Variants in ELN observed in about 807,000 individuals in gnomAD.
ELN encodes the protein tropoelastin.
Under a neutral mutation model 105.8 loss-of-function variants are expected in ELN, and 65 were observed. The observed-to-expected ratio is 0.61, with a 90% CI of 0.50 to 0.75. The LOEUF is 0.75. Among genes scored for constraint, ELN ranks in the 30% least tolerant of loss-of-function variants. The pLI is 0.00. For synonymous variants in ELN, 368 were observed against 389.2 expected, an observed-to-expected ratio of 0.95 and a Z score of 0.64; for missense variants, 882 against 969.4, an observed-to-expected ratio of 0.91 and a Z score of 1.20.
At chr7:74,051,865 G>T in intron 16 of ELN, 26 bp downstream of exon 16, 2 of 1,614,186 alleles carry the variant, frequency 1.2e-6, no homozygotes, top group East Asian at 2.2e-5. Context: ...GCAGGGGGCG[G>T]GTGTGTCCTT....
At chr7:74,034,543 A>G (rs1554664349) in intron 1 of ELN, among the ~76,000 whole-genome samples, 1 of 152,158 alleles carries the variant, frequency 6.6e-6, no homozygotes, top group Non-Finnish European at 1.5e-5. Context: ...CCCCATCTTT[A>G]CAAAAAAATC....
At chr7:74,040,549 C>A (rs1277413337) in intron 4 of ELN, among the ~76,000 whole-genome samples, 1 of 152,210 alleles carries the variant, frequency 6.6e-6, no homozygotes, top group Non-Finnish European at 1.5e-5. Flanking sequence ...AGGCTCAGGA[C>A]TAGCACTTGT....
rs375039163 is a variant in ELN, at chr7:74,065,977, C to T, written c.2066C>T (p.Ala689Val). 10 of 1,614,064 alleles carry T rather than the reference C, an allele frequency of 6.2e-6. No homozygotes were observed. The highest frequency in any genetic ancestry group is 7.6e-6 in the Non-Finnish European group (9 of 1,179,994). The stretch of plus-strand genomic sequence containing the variant: ...GGCCTTGGAGGTGTCCTAGGGGGTG[C>T]CGGGCAGTTCCCACTTGGAGGTAGG... ...AAGLGGVLGG[A>V]GQFPLGGVAA... Residue 689 changes from alanine to valine, a missense_variant, in exon 31 of 33, where the codon GCC (alanine) becomes GTC (valine). Ala to Val is a moderately conservative substitution (Grantham distance 64). Coordinates refer to ENST00000252034, the MANE Select transcript of ELN (RefSeq NM_000501.4).
In ELN at chr7:74,043,144, G is replaced by A. The variant is rs373650953; in HGVS notation, c.403G>A (p.Gly135Arg). Residue 135 changes from glycine to arginine, a missense_variant, in exon 8 of 33, where the codon GGA becomes AGA. Gly to Arg is a moderately radical substitution (Grantham distance 125). Coordinates refer to ENST00000252034, the MANE Select transcript of ELN (RefSeq NM_000501.4). ...TGCGGTGGTTCCTCAGCCTGGAGCC[G>A]GAGTGAAGCCTGGGAAAGTGCCGGG... The part of the protein sequence containing the change: ...AGAVVPQPGA[G>R]VKPGKVPGVG... 2.2e-5 allele frequency: 35 copies of A among 1,608,804 alleles called. No homozygotes were observed. The highest frequency in any genetic ancestry group is 4.0e-5 in the African/African-American group (3 of 74,848).
At chr7:74,062,994 C>A (rs151246422) in intron 26 of ELN, among the ~76,000 whole-genome samples, 159 bp from the exon 27 acceptor site, 1 of 152,146 alleles carries the variant, frequency 6.6e-6, no homozygotes, top group East Asian at 1.9e-4. Context: ...GAGCAAAACC[C>A]CATCTCAAAA....
At position 74,056,262 on chromosome 7, in the gene ELN, C is replaced by T; in HGVS notation, c.1151-9C>T. 3 of 1,614,228 alleles carry T rather than the reference C, an allele frequency of 1.9e-6. No individual in the cohort carries two copies. The highest frequency in any genetic ancestry group is 2.5e-6 in the Non-Finnish European group (3 of 1,180,048). On this transcript the variant is annotated splice_polypyrimidine_tract_variant and intron_variant, in intron 19 of 32. Coordinates refer to ENST00000252034, the MANE Select transcript of ELN (RefSeq NM_000501.4). ...GCTTCTTTTCTACTTGGCTCCCTTC[C>T]CTCTGCAGGGGCCAGGCCCGGAGTC...
chr7:74,069,286 A>C lies in ELN; in HGVS notation c.*586A>C, dbSNP rs1188025186. 2 of 237,704 alleles carry C rather than the reference A, an allele frequency of 8.4e-6. No individual in the cohort carries two copies. Among genetic ancestry groups the C allele is most frequent in the East Asian group, 1.2e-4 (2 of 16,682 alleles). The allele number at this position is 237,704 out of a possible 1,614,324, so 14.7% of individuals were successfully genotyped here. ...CACATCTGGGGCGCTTTTGGGTTGGAAAACCACCCCACACTGGGAATAGCC... is the reference window on the plus strand; with the variant it reads ...CACATCTGGGGCGCTTTTGGGTTGGCAAACCACCCCACACTGGGAATAGCC... On this transcript the variant is annotated 3_prime_UTR_variant, in exon 33 of 33. Coordinates refer to ENST00000252034, the MANE Select transcript of ELN (RefSeq NM_000501.4).
rs782652262 is a variant in ELN at position 74,042,971 on chromosome 7, C to T, written c.326-13C>T. 1 of 1,614,114 alleles carries T rather than the reference C, an allele frequency of 6.2e-7. No homozygotes were observed. The highest frequency in any genetic ancestry group is 1.1e-5 in the South Asian group (1 of 91,082). ...GTTCCTTACGCAATGCCTCACCTGT[C>T]CTGGCTCTGCAGGCGCTGGGCTTGG... On this transcript the variant is annotated splice_polypyrimidine_tract_variant and intron_variant, in intron 6 of 32. Transcript: ENST00000252034.
intron 2 of ELN, 85 bp downstream of exon 2, chr7:74,035,499 G>A (rs1554665042): frequency 6.5e-7 from 1 of 1,535,748 alleles, no homozygotes; most frequent in Admixed American, 1.7e-5. Context: ...CACTACAGAA[G>A]GTAGGAACAT....
intron 19 of ELN, 33 bp from the exon 20 acceptor site, chr7:74,056,238 C>T: frequency 6.2e-7 from 1 of 1,614,206 alleles, no homozygotes; most frequent in South Asian, 1.1e-5. Flanking sequence ...TCTCACTGAG[C>T]TTCTTTTCTA....
At chr7:74,068,070 C>G (rs1454858641) in intron 32 of ELN, among the ~76,000 whole-genome samples, 1 of 152,112 alleles carries the variant, frequency 6.6e-6, no homozygotes, top group Non-Finnish European at 1.5e-5. Context: ...CCGGGCCGCG[C>G]TACTAGACAA....
At position 74,059,897 on chromosome 7, in the gene ELN, G is replaced by C. The variant is rs782378090; in HGVS notation, c.1426G>C (p.Gly476Arg). 2 of 1,337,010 alleles carry C rather than the reference G, an allele frequency of 1.5e-6. No individual in the cohort carries two copies. The highest frequency in any genetic ancestry group is 2.2e-6 in the Non-Finnish European group (2 of 927,034). The allele number at this position is 1,337,010 out of a possible 1,614,324, so 82.8% of individuals were successfully genotyped here. A position where few individuals can be genotyped will look rare whatever the true frequency, so the allele number is the denominator to read the frequency against. ...AKAAQFGLVP[G>R]VGVAPGVGVA... Reference sequence around the variant, plus strand: ...TCTCAATCTTGCAGGGTTAGTTCCTGGTGTCGGCGTGGCTCCTGGAGTTGG... The same window carrying C: ...TCTCAATCTTGCAGGGTTAGTTCCTCGTGTCGGCGTGGCTCCTGGAGTTGG... The change falls in exon 23 of 33, where the codon GGT (glycine) becomes CGT (arginine). Residue 476 changes from glycine (G) to arginine (R), a missense_variant. Coordinates refer to ENST00000252034, the MANE Select transcript of ELN (RefSeq NM_000501.4).
chr7:74,042,787 C>T (rs2131444086), intron 6 of ELN, 81 bp downstream of exon 6: 1 of 1,572,826 alleles, frequency 6.4e-7, no homozygotes, highest in African/African-American at 1.3e-5. Flanking sequence ...CTTCCCTCAA[C>T]TCAGGCTTGG....
intron 1 of ELN, among the ~76,000 whole-genome samples, chr7:74,030,465 A>ATTT (rs781804483): frequency 0.024 from 3,382 of 141,976 alleles, 62 homozygotes; most frequent in Admixed American, 0.051. Context: ...AGTATCAGGG[A>ATTT]TTTTTTTTTT....
Position 74,048,295 on chromosome 7 carries a change from C to G in ELN, c.745+94C>G, listed in dbSNP as rs112460490. 1.6e-3 allele frequency: 2,554 copies of G among 1,571,072 alleles called. 8 individuals are homozygous for G. The highest frequency in any genetic ancestry group is 2.9e-3 in the Middle Eastern group (17 of 5,952). On this transcript the variant is annotated intron_variant, in intron 14 of 32. Coordinates refer to ENST00000252034, the MANE Select transcript of ELN (RefSeq NM_000501.4). ...GGGTGAGGTTCCCTCCTGAAAGCAG[C>G]AGCCCACCCTGCATCCAGACCCTGG...
chr7:74,053,411 AC>A, intron 18 of ELN, 102 bp downstream of exon 18: 1 of 1,541,272 alleles, frequency 6.5e-7, no homozygotes, highest in Non-Finnish European at 8.7e-7. Context: ...TCTCCCTAAC[AC>A]CATAACCATC....
At position 74,042,606 on chromosome 7, in the gene ELN, C is replaced by T. The variant is rs782259151; in HGVS notation, c.233-8C>T. 1 of 1,612,772 alleles carries T rather than the reference C, an allele frequency of 6.2e-7. No individual in the cohort carries two copies. Among genetic ancestry groups the T allele is most frequent in the Non-Finnish European group, 8.5e-7 (1 of 1,179,916 alleles). On this transcript the variant is annotated splice_polypyrimidine_tract_variant and splice_region_variant and intron_variant, in intron 5 of 32. Coordinates refer to ENST00000252034, the MANE Select transcript of ELN (RefSeq NM_000501.4). ...GCTCAGGACCTCACCCCATCCTCCC[C>T]TCCGCAGGGCTCGGCGCCTTCCCCG...
intron 15 of ELN, among the ~76,000 whole-genome samples, 199 bp downstream of exon 15, chr7:74,048,755 A>G (rs1793163092): frequency 6.6e-6 from 1 of 151,800 alleles, no homozygotes; most frequent in Admixed American, 6.6e-5. Flanking sequence ...CCATCAATCT[A>G]TTACTTTCTC....
intron 17 of ELN, chr7:74,052,854 G>GGAGAGAGAAAGAAAGAAAGA: frequency 2.5e-6 from 1 of 396,974 alleles, no homozygotes; most frequent in South Asian, 2.8e-5. Context: ...AGAGAGGGAG[G>GGAGAGAGAAAGAAAGAAAGA]GAGAGAGAAA....
Sources: allele counts gnomAD v4.1 joint callset (sites outside exome capture counted in the v4.1 genomes callset), GRCh38; gene constraint gnomAD v4.1.1; transcripts MANE v1.5; gene names NCBI Gene and HGNC (gene_info 2026-07-23, HGNC 2026-07-21).